GMDS: variants seen among roughly 807,000 people sequenced by gnomAD.
GMDS encodes the protein GDP-mannose 4,6 dehydratase.
Under a neutral mutation model 49.9 loss-of-function variants are expected in GMDS, and 20 were observed. The ratio of observed to expected loss-of-function variants is 0.40; its 90% CI spans 0.28 to 0.58. The LOEUF (loss-of-function observed/expected upper bound fraction) is 0.58, where lower values mean the gene tolerates loss of function less well. GMDS is among the 20% of genes least tolerant of loss of function. The pLI, the probability that GMDS is intolerant of heterozygous loss-of-function variation, is 0.42. For missense variants in GMDS, 362 were observed against 481.4 expected (o/e 0.75, Z 2.32); for synonymous variants, 177 against 178.6 (o/e 0.99, Z 0.07).
intron 1 of GMDS, among the ~76,000 whole-genome samples, chr6:2,202,408 G>A (rs932266363): frequency 1.3e-5 from 2 of 149,324 alleles, no homozygotes; most frequent in Non-Finnish European, 3.0e-5. Context: ...AAGCACAGTC[G>A]AGTAAGACTG....
At chr6:2,114,835 A>G (rs1398391103) in intron 4 of GMDS, among the ~76,000 whole-genome samples, 1 of 152,190 alleles carries the variant, frequency 6.6e-6, no homozygotes, top group Non-Finnish European at 1.5e-5. Flanking sequence ...GCAGAGGTAT[A>G]TAGAATAGGC....
chr6:1,965,061 C>T (rs972302089), intron 4 of GMDS, among the ~76,000 whole-genome samples: 3 of 101,624 alleles, frequency 3.0e-5, no homozygotes, highest in African/African-American at 7.1e-5. Context: ...TTTCTTAATC[C>T]AGTCTATCGT....
chr6:1,913,429 A>G (rs1425234827), intron 7 of GMDS, among the ~76,000 whole-genome samples: 5 of 152,118 alleles, frequency 3.3e-5, no homozygotes, highest in Admixed American at 3.3e-4. Flanking sequence ...CATGTGGTAA[A>G]AATGTCTGGA....
chr6:1,985,348 G>A (rs1034805013), intron 4 of GMDS, among the ~76,000 whole-genome samples: 4 of 151,966 alleles, frequency 2.6e-5, no homozygotes, highest in Non-Finnish European at 5.9e-5. Context: ...GAATACAAGA[G>A]GGGTAGGGGT....
At chr6:2,053,348 G>A (rs1770563873) in intron 4 of GMDS, among the ~76,000 whole-genome samples, 1 of 151,832 alleles carries the variant, frequency 6.6e-6, no homozygotes, top group South Asian at 2.1e-4. Context: ...TCTTGACAAA[G>A]GGAAAGTACA....
intron 9 of GMDS, among the ~76,000 whole-genome samples, chr6:1,696,914 C>T (rs1426518529): frequency 6.6e-6 from 1 of 152,196 alleles, no homozygotes. Context: ...TCACTTTTAC[C>T]ATCTGTGACC....
intron 4 of GMDS, among the ~76,000 whole-genome samples, chr6:2,006,662 A>T (rs1402050297): frequency 6.6e-6 from 1 of 152,212 alleles, no homozygotes; most frequent in Non-Finnish European, 1.5e-5. Flanking sequence ...ACTTTTCAAC[A>T]TCATTTTCCT....
chr6:2,019,206 T>G (rs1348495035), intron 4 of GMDS, among the ~76,000 whole-genome samples: 3 of 151,470 alleles, frequency 2.0e-5, no homozygotes, highest in Non-Finnish European at 4.4e-5. Context: ...AGTGGATTCC[T>G]TAGGATCATC....
chr6:1,965,329 T>C (rs1474319502), intron 4 of GMDS, among the ~76,000 whole-genome samples: 1 of 152,174 alleles, frequency 6.6e-6, no homozygotes, highest in Non-Finnish European at 1.5e-5. Flanking sequence ...GGGGAAAGGA[T>C]GGTTGTGTGT....
chr6:1,791,412 T>C (rs1001817525), intron 7 of GMDS, among the ~76,000 whole-genome samples: 2 of 152,228 alleles, frequency 1.3e-5, no homozygotes, highest in Admixed American at 1.3e-4. Context: ...CACTGTGTTC[T>C]CAACCGTGGT....
In GMDS at chr6:2,032,687, A is replaced by G. The variant is rs185803756; in HGVS notation, c.346-71721T>C. Reference sequence around the variant, plus strand: ...AGAGAGAGGCATAAAACAAAAAGGTAATTTGCTTACAAGGAGTCTGATTTA... The same window carrying G: ...AGAGAGAGGCATAAAACAAAAAGGTGATTTGCTTACAAGGAGTCTGATTTA... On this transcript the variant is annotated intron_variant, in intron 4 of 10. Transcript: ENST00000380815. 2.6e-5 allele frequency among the ~76,000 whole-genome samples: 4 copies of G among 152,318 alleles called. No homozygotes were observed. The East Asian group carries it at 7.7e-4, about 29-fold the overall frequency.
At chr6:2,148,149 T>A (rs1263438171) in intron 1 of GMDS, among the ~76,000 whole-genome samples, 1 of 152,094 alleles carries the variant, frequency 6.6e-6, no homozygotes, top group Non-Finnish European at 1.5e-5. Context: ...AGCAACAGGG[T>A]AAATAACTTT....
intron 4 of GMDS, among the ~76,000 whole-genome samples, 173 bp from the exon 5 acceptor site, chr6:1,961,139 A>C (rs1487297308): frequency 6.6e-6 from 1 of 152,242 alleles, no homozygotes; most frequent in East Asian, 1.9e-4. Context: ...TCAAATTGCT[A>C]AAAATATCTT....
At chr6:2,068,814 T>C (rs1355459696) in intron 4 of GMDS, among the ~76,000 whole-genome samples, 1 of 152,126 alleles carries the variant, frequency 6.6e-6, no homozygotes, top group Non-Finnish European at 1.5e-5. Context: ...GTAGGAAGAA[T>C]CAATATCGTG....
At chr6:2,146,592 C>G (rs1265352366) in intron 1 of GMDS, among the ~76,000 whole-genome samples, 1 of 152,128 alleles carries the variant, frequency 6.6e-6, no homozygotes, top group Non-Finnish European at 1.5e-5. Context: ...CAGAAAGGGC[C>G]AAATTCCACG....
At chr6:1,976,666 T>G (rs1446631842) in intron 4 of GMDS, among the ~76,000 whole-genome samples, 1 of 152,066 alleles carries the variant, frequency 6.6e-6, no homozygotes, top group Non-Finnish European at 1.5e-5. Flanking sequence ...AGGAAAAAAT[T>G]AATGATAATA....
At chr6:1,731,176 T>C (rs1449435691) in intron 8 of GMDS, among the ~76,000 whole-genome samples, 3 of 152,138 alleles carry the variant, frequency 2.0e-5, no homozygotes, top group East Asian at 1.9e-4. Flanking sequence ...GGAAATCTAA[T>C]CTCCCAGAAA....
chr6:2,232,338 G>T (rs12207377), intron 1 of GMDS, among the ~76,000 whole-genome samples: 1 of 151,984 alleles, frequency 6.6e-6, no homozygotes, highest in East Asian at 1.9e-4. Context: ...ACCCCAAAAG[G>T]GGGTACAACA....
rs35434880 is a variant in GMDS at position 2,145,372 on chromosome 6, TA to T, written c.103-20642del. Among the ~76,000 whole-genome samples the T allele has an allele frequency of 5.7e-3, 856 of 151,266 alleles. 2 individuals are homozygous for T. Among genetic ancestry groups the T allele is most frequent in the Middle Eastern group, 0.017 (5 of 294 alleles). On this transcript the variant is annotated intron_variant, in intron 1 of 10. Coordinates refer to ENST00000380815, the MANE Select transcript of GMDS (RefSeq NM_001500.4). Reference sequence around the variant, plus strand: ...CAACAGGGTGAAACCCCATCTCTACTAAAAAAAATATAAAAATTAGCCGGGC... The same window carrying T: ...CAACAGGGTGAAACCCCATCTCTACTAAAAAAATATAAAAATTAGCCGGGC...
Sources: gnomAD v4.1 joint callset for allele counts (sites outside exome capture counted in the v4.1 genomes callset) on GRCh38, gnomAD v4.1.1 for gene constraint, MANE v1.5 for transcripts, NCBI Gene and HGNC (gene_info 2026-07-23, HGNC 2026-07-21) for gene names.